Variants in MTARC1 observed in about 807,000 individuals in gnomAD.
The protein encoded by MTARC1 is mitochondrial amidoxime-reducing component 1.
MTARC1 carries 24 observed loss-of-function variants against 33.6 expected under a neutral mutation model. The observed-to-expected ratio is 0.72, with a 90% CI of 0.52 to 1.01. The LOEUF (loss-of-function observed/expected upper bound fraction) is 1.01, where lower values mean the gene tolerates loss of function less well. MTARC1 is among the 50% of genes least tolerant of loss of function. The pLI, the probability that MTARC1 is intolerant of heterozygous loss-of-function variation, is 0.00. For missense variants in MTARC1, 417 were observed against 445.7 expected, an observed-to-expected ratio of 0.94 and a Z score of 0.58; for synonymous variants, 187 against 189.5, an observed-to-expected ratio of 0.99 and a Z score of 0.11.
At chr1:220,788,152 T>C (rs753722776) in intron 1 of MTARC1, among the ~76,000 whole-genome samples, 2 of 152,242 alleles carry the variant, frequency 1.3e-5, no homozygotes, top group African/African-American at 4.8e-5. Flanking sequence ...TCTTATTTTC[T>C]TTAGCACACT....
At chr1:220,794,600 A>C (rs1672545021) in intron 2 of MTARC1, among the ~76,000 whole-genome samples, 1 of 151,988 alleles carries the variant, frequency 6.6e-6, no homozygotes, top group Admixed American at 6.5e-5. Context: ...AGATATGATT[A>C]ATACTAGGTT....
At chr1:220,806,171 G>C (rs1672966064) in intron 6 of MTARC1, among the ~76,000 whole-genome samples, 2 of 152,218 alleles carry the variant, frequency 1.3e-5, no homozygotes, top group Admixed American at 6.5e-5. Flanking sequence ...AAGCACTTCA[G>C]AGCTGATATC....
Position 220,796,674 on chromosome 1 carries a change from T to C in MTARC1, c.481T>C (p.Cys161Arg). ...VHGLEIEGRD[C>R]GEATAQWITS... The stretch of plus-strand genomic sequence containing the variant: ...CGGCCTGGAGATAGAGGGCAGGGAC[T>C]GTGGCGAGGCCACCGCCCAGTGGAT... Residue 161 changes from cysteine (C) to arginine (R), a missense_variant, in exon 3 of 7, where the codon TGT becomes CGT. Cys to Arg is a radical substitution (Grantham distance 180). Transcript: ENST00000366910. 6.2e-7 allele frequency: 1 copy of C among 1,611,176 alleles called. No individual in the cohort carries two copies. The highest frequency in any genetic ancestry group is 8.5e-7 in the Non-Finnish European group (1 of 1,178,820).
At chr1:220,796,435 G>A (rs552644000) in intron 2 of MTARC1, among the ~76,000 whole-genome samples, 28 of 152,308 alleles carry the variant, frequency 1.8e-4, no homozygotes, top group Non-Finnish European at 2.5e-4. Flanking sequence ...TTTAAAATGA[G>A]GAAAGCAATG....
intron 4 of MTARC1, chr1:220,798,658 G>A: frequency 1.1e-6 from 1 of 898,650 alleles, no homozygotes; most frequent in Non-Finnish European, 1.3e-6. Flanking sequence ...TGAAGGCAGA[G>A]GTTGGTGGCC....
intron 2 of MTARC1, among the ~76,000 whole-genome samples, chr1:220,792,754 A>G (rs1672467718): frequency 6.9e-6 from 1 of 144,992 alleles, no homozygotes; most frequent in African/African-American, 2.5e-5. Flanking sequence ...CTAAACTGAA[A>G]TAATACAAAA....
chr1:220,797,415 C>T (rs1190893217), intron 3 of MTARC1, among the ~76,000 whole-genome samples: 1 of 152,128 alleles, frequency 6.6e-6, no homozygotes, highest in Non-Finnish European at 1.5e-5. Context: ...GACAAGGAGT[C>T]TCTGTCTCAA....
intron 5 of MTARC1, 38 bp from the exon 6 acceptor site, chr1:220,805,165 G>A (rs1414732183): frequency 1.9e-6 from 3 of 1,613,840 alleles, no homozygotes; most frequent in Non-Finnish European, 1.7e-6. Context: ...AGTTCGCTCT[G>A]CTCTGTCCCC....
At position 220,813,762 on chromosome 1, in the gene MTARC1, G is replaced by A. The variant is rs41314252; in HGVS notation, c.*344G>A. The A allele has an allele frequency of 3.7e-4, 78 of 212,002 alleles. No individual in the cohort carries two copies. The highest frequency in any genetic ancestry group is 6.6e-4 in the Non-Finnish European group (68 of 103,254). The allele number at this position is 212,002 out of a possible 1,614,324, so 13.1% of individuals were successfully genotyped here. On this transcript the variant is annotated 3_prime_UTR_variant, in exon 7 of 7. Transcript: ENST00000366910. The stretch of plus-strand genomic sequence containing the variant: ...GACTTGCATCCTGTCACTACCACTC[G>A]TTAGAGAAAGAGAAGAAGAGAAAGA...
At position 220,805,109 on chromosome 1, in the gene MTARC1, T is replaced by G. The variant is rs1672931675; in HGVS notation, c.811T>G (p.Ser271Ala). ...DVELKRVMAC[S>A]RCILTTVDPD... The stretch of plus-strand genomic sequence containing the variant: ...GGAACTGAAAAGGGTGATGGCTTGT[T>G]CCAGGTAAGGTGCTTTCCTGTCCCT... Residue 271 changes from serine (S) to alanine (A), a missense_variant, in exon 5 of 7, where the codon TCC becomes GCC. Coordinates refer to ENST00000366910, the MANE Select transcript of MTARC1 (RefSeq NM_022746.4). 6.2e-7 allele frequency: 1 copy of G among 1,614,046 alleles called. No homozygotes were observed. Among genetic ancestry groups the G allele is most frequent in the South Asian group, 1.1e-5 (1 of 91,076 alleles).
chr1:220,802,892 G>A (rs145301272), intron 4 of MTARC1, among the ~76,000 whole-genome samples: 69 of 152,230 alleles, frequency 4.5e-4, no homozygotes, highest in Middle Eastern at 6.8e-3. Flanking sequence ...GATCTCTCCC[G>A]CTCTAAAAGT....
chr1:220,794,654 C>G (rs755125991), intron 2 of MTARC1, among the ~76,000 whole-genome samples: 1 of 151,916 alleles, frequency 6.6e-6, no homozygotes, highest in Non-Finnish European at 1.5e-5. Flanking sequence ...AGGTAATATC[C>G]ATTTGGGTGT....
At chr1:220,795,604 A>G (rs1488228764) in intron 2 of MTARC1, among the ~76,000 whole-genome samples, 1 of 152,194 alleles carries the variant, frequency 6.6e-6, no homozygotes, top group South Asian at 2.1e-4. Flanking sequence ...TATAATTTAT[A>G]TATATGGGTT....
chr1:220,810,024 A>AT (rs1278229653), intron 6 of MTARC1, among the ~76,000 whole-genome samples: 2 of 152,218 alleles, frequency 1.3e-5, no homozygotes, highest in Non-Finnish European at 2.9e-5. Flanking sequence ...AACTGTTTCC[A>AT]TTTACATTGC....
At chr1:220,792,608 G>A in intron 2 of MTARC1, among the ~76,000 whole-genome samples, 1 of 145,234 alleles carries the variant, frequency 6.9e-6, no homozygotes. Flanking sequence ...TTTCAGATTA[G>A]AAAAGTGGTA....
chr1:220,807,421 A>T (rs771337463), intron 6 of MTARC1, among the ~76,000 whole-genome samples: 1 of 152,156 alleles, frequency 6.6e-6, no homozygotes, highest in Non-Finnish European at 1.5e-5. Context: ...TGTTTCTACT[A>T]AAAATACAAA....
chr1:220,797,706 G>T (rs2807835), intron 3 of MTARC1, 168 bp from the exon 4 acceptor site: 176,911 of 641,624 alleles, frequency 0.28, 25,984 homozygotes, highest in African/African-American at 0.42. Context: ...CAAGGCTATT[G>T]AAAACTTCTG....
In MTARC1 at chr1:220,798,633, C is replaced by G. The variant is rs72472304; in HGVS notation, c.753+619C>G. On this transcript the variant is annotated intron_variant, in intron 4 of 6. Transcript: ENST00000366910. The stretch of plus-strand genomic sequence containing the variant: ...GCCTTTGGCTATTTAACTTGATTCT[C>G]TCCCTGGGCTTCCATGAAGGCAGAG... 3.7e-3 allele frequency: 3,504 copies of G among 949,808 alleles called. 97 individuals carry two copies. In the African/African-American group the frequency reaches 0.057, roughly 15 times the overall value. The allele number at this position is 949,808 out of a possible 1,614,324, so 58.8% of individuals were successfully genotyped here.
At chr1:220,798,800 G>A in intron 4 of MTARC1, 2 of 954,206 alleles carry the variant, frequency 2.1e-6, no homozygotes, top group African/African-American at 1.8e-5. Context: ...CCATATAGTG[G>A]TTCTTACGTC....
Sources: allele counts gnomAD v4.1 joint callset (sites outside exome capture counted in the v4.1 genomes callset), GRCh38; gene constraint gnomAD v4.1.1; transcripts MANE v1.5; gene names NCBI Gene and HGNC (gene_info 2026-07-23, HGNC 2026-07-21).